Variants in PIK3C2B observed in about 807,000 individuals in gnomAD.
PIK3C2B encodes the protein phosphatidylinositol-4-phosphate 3-kinase catalytic subunit type 2 beta.
Under a neutral mutation model 184.3 loss-of-function variants are expected in PIK3C2B, and 83 were observed. The observed-to-expected ratio is 0.45, with a 90% CI of 0.38 to 0.54. The LOEUF (loss-of-function observed/expected upper bound fraction) is 0.54. Among genes scored for constraint, PIK3C2B ranks in the 20% least tolerant of loss-of-function variants. The pLI is 0.00. For missense variants in PIK3C2B, 1,736 were observed against 2,113.5 expected, an observed-to-expected ratio of 0.82 and a Z score of 3.50; for synonymous variants, 779 against 837.6, an observed-to-expected ratio of 0.93 and a Z score of 1.21.
At chr1:204,493,919 C>T (rs1011003081) in intron 1 of PIK3C2B, among the ~76,000 whole-genome samples, 1 of 152,216 alleles carries the variant, frequency 6.6e-6, no homozygotes, top group Non-Finnish European at 1.5e-5. Context: ...ATTCCCCAGG[C>T]TAGATGCCGA....
rs1301031467 is a variant in PIK3C2B at position 204,454,933 on chromosome 1, G to A, written c.1944-142C>T. 7 of 883,504 alleles carry A rather than the reference G, an allele frequency of 7.9e-6. No individual in the cohort carries two copies. In the East Asian group the frequency reaches 1.9e-4, roughly 24 times the overall value. The allele number at this position is 883,504 out of a possible 1,614,324, so 54.7% of individuals were successfully genotyped here. On this transcript the variant is annotated intron_variant, in intron 11 of 32. Transcript: ENST00000684373. ...GCTGTAACACAGGATCTCCGGATAG[G>A]ACAGCCAAACTGGATGTAAGGAAAT...
At chr1:204,479,167 G>T (rs1363984826) in intron 1 of PIK3C2B, among the ~76,000 whole-genome samples, 4 of 152,192 alleles carry the variant, frequency 2.6e-5, no homozygotes, top group Admixed American at 1.3e-4. Context: ...AGGAAGAAAA[G>T]CTTTGGCAGT....
chr1:204,466,365 T>G (rs1483251147), intron 2 of PIK3C2B, among the ~76,000 whole-genome samples: 2 of 152,034 alleles, frequency 1.3e-5, no homozygotes, highest in Non-Finnish European at 2.9e-5. Context: ...TACTCTCAAG[T>G]CCTCTCTGCC....
intron 5 of PIK3C2B, among the ~76,000 whole-genome samples, chr1:204,461,322 C>G (rs1335538907): frequency 6.6e-6 from 1 of 152,224 alleles, no homozygotes; most frequent in Non-Finnish European, 1.5e-5. Flanking sequence ...GTGAGACTCC[C>G]CCTTTCAGAG....
intron 22 of PIK3C2B, 89 bp downstream of exon 22, chr1:204,440,103 G>T: frequency 2.2e-6 from 3 of 1,367,480 alleles, no homozygotes; most frequent in Non-Finnish European, 3.0e-6. Context: ...CACTTTCCTG[G>T]AGGAGGACAC....
intron 16 of PIK3C2B, among the ~76,000 whole-genome samples, chr1:204,445,537 G>C (rs1653778487): frequency 6.6e-6 from 1 of 151,522 alleles, no homozygotes; most frequent in Non-Finnish European, 1.5e-5. Context: ...AGGAGGTCGA[G>C]GCTGCAGTGA....
chr1:204,447,830 TGGTGAGG>T lies in PIK3C2B; in HGVS notation c.2347-259_2347-253del, dbSNP rs1436586395. Among the ~76,000 whole-genome samples the T allele has an allele frequency of 6.6e-6, 1 of 152,134 alleles. No homozygotes were observed. The highest frequency in any genetic ancestry group is 1.5e-5 in the Non-Finnish European group (1 of 68,014). On this transcript the variant is annotated intron_variant, in intron 14 of 32. Coordinates refer to ENST00000684373, the MANE Select transcript of PIK3C2B (RefSeq NM_001377334.1). This position sits in a 1 kb window ranked among gnomAD's most constrained non-coding sequence, Gnocchi z 4.1. ...GAAGAGGTTCGGTGGAGATGCACCT[TGGTGAGG>T]GGTGAGGGGACAAGCCCCAGCCAGA... is the stretch of plus-strand genomic sequence containing the variant.
rs115574296 is a variant in PIK3C2B, at chr1:204,468,944, G to A, written c.859C>T (p.Arg287Cys). ...SKTMPPQVPP[R>C]TYASRYGNRK... is the part of the protein sequence containing the mutation. ...TTGCCATAGCGGGAGGCATAGGTGC[G>A]GGGGGGCACCTGAGGGGGCATAGTC... is the stretch of plus-strand genomic sequence containing the variant. Residue 287 changes from arginine to cysteine, a missense_variant, in exon 2 of 33, where the codon CGC becomes TGC. Arg to Cys is a radical substitution (Grantham distance 180). Transcript: ENST00000684373. The A allele has an allele frequency of 8.9e-5, 143 of 1,613,096 alleles. No individual in the cohort carries two copies. Among genetic ancestry groups the A allele is most frequent in the Non-Finnish European group, 1.1e-4 (126 of 1,179,300 alleles).
At chr1:204,437,852 C>T (rs138102088) in intron 23 of PIK3C2B, among the ~76,000 whole-genome samples, 5 of 152,028 alleles carry the variant, frequency 3.3e-5, no homozygotes, top group Non-Finnish European at 7.4e-5. Flanking sequence ...GTGGGTGAAA[C>T]GTAGGTGGAA....
At chr1:204,450,043 G>C in intron 12 of PIK3C2B, 26 bp from the exon 13 acceptor site, 4 of 1,527,874 alleles carry the variant, frequency 2.6e-6, no homozygotes, top group Non-Finnish European at 3.5e-6. Context: ...AGTCAAATTA[G>C]GAGGGGCCAC....
At position 204,480,019 on chromosome 1, in the gene PIK3C2B, C is replaced by T. The variant is rs1471553241; in HGVS notation, c.-84-10133G>A. ...CTCCGCAGGTCTTCTGCACTGGGCT[C>T]GGCGGGGCCGGGCTAACCCATCCAG... On this transcript the variant is annotated intron_variant, in intron 1 of 32. Coordinates refer to ENST00000684373, the MANE Select transcript of PIK3C2B (RefSeq NM_001377334.1). 3.3e-5 allele frequency among the ~76,000 whole-genome samples: 5 copies of T among 152,306 alleles called. No homozygotes were observed. In the South Asian group the frequency reaches 6.2e-4, roughly 19 times the overall value.
chr1:204,469,841 C>A lies in PIK3C2B; in HGVS notation c.-39G>T. The stretch of plus-strand genomic sequence containing the variant: ...GACACAGGCAACAAAGTCTCTACTT[C>A]CTGCCAACGTCAGTTCTGGAGGGTT... On this transcript the variant is annotated 5_prime_UTR_variant, in exon 2 of 33. Transcript: ENST00000684373. 7.0e-7 allele frequency: 1 copy of A among 1,423,374 alleles called. No individual in the cohort carries two copies. The highest frequency in any genetic ancestry group is 9.9e-7 in the Non-Finnish European group (1 of 1,008,068). 88.2% of individuals were successfully genotyped at this position (1,423,374 alleles called of 1,614,324 possible). A position where few individuals can be genotyped will look rare whatever the true frequency, so the allele number is the denominator to read the frequency against.
intron 2 of PIK3C2B, among the ~76,000 whole-genome samples, chr1:204,467,820 T>C (rs3021467): frequency 0.95 from 133,570 of 141,308 alleles, 63,308 homozygotes; most frequent in Non-Finnish European, 0.99. Flanking sequence ...GGTGACAGAG[T>C]GAGACTCTGT....
Position 204,449,820 on chromosome 1 carries a change from C to G in PIK3C2B, c.2234+30G>C, listed in dbSNP as rs756803892. On this transcript the variant is annotated intron_variant, in intron 13 of 32. Coordinates refer to ENST00000684373, the MANE Select transcript of PIK3C2B (RefSeq NM_001377334.1). Reference sequence around the variant, plus strand: ...CTGTCCCCCTCCTCCCCTTCCAAGGCCAAGAAGCTGTACCCTGGGGCTCAC... The same window carrying G: ...CTGTCCCCCTCCTCCCCTTCCAAGGGCAAGAAGCTGTACCCTGGGGCTCAC... 1.9e-6 allele frequency: 3 copies of G among 1,558,030 alleles called. No homozygotes were observed. In the Admixed American group the frequency reaches 5.6e-5, roughly 29 times the overall value.
At chr1:204,487,525 C>T (rs1657691443) in intron 1 of PIK3C2B, among the ~76,000 whole-genome samples, 1 of 152,180 alleles carries the variant, frequency 6.6e-6, no homozygotes, top group Admixed American at 6.5e-5. Context: ...CTGACCAACC[C>T]AGAGGAGAAG....
At chr1:204,435,187 A>G (rs745789117) in intron 23 of PIK3C2B, 13 of 151,176 alleles carry the variant, frequency 8.6e-5, no homozygotes, top group African/African-American at 2.2e-4. Flanking sequence ...TAACACGTCT[A>G]GAGAGTGTTT....
chr1:204,424,566 C>T lies in PIK3C2B; in HGVS notation c.*286G>A. 2.1e-6 allele frequency: 1 copy of T among 479,532 alleles called. No individual in the cohort carries two copies. The highest frequency in any genetic ancestry group is 4.0e-6 in the Non-Finnish European group (1 of 249,464). 29.7% of individuals were successfully genotyped at this position (479,532 alleles called of 1,614,324 possible). ...CAGCCCACCCCACACACTCCCCAAACCAAGCATTGCTCCCTTGACACAAGG... is the reference window on the plus strand; with the variant it reads ...CAGCCCACCCCACACACTCCCCAAATCAAGCATTGCTCCCTTGACACAAGG... On this transcript the variant is annotated 3_prime_UTR_variant, in exon 33 of 33. Transcript: ENST00000684373.
intron 1 of PIK3C2B, among the ~76,000 whole-genome samples, chr1:204,486,602 T>C (rs1657612472): frequency 6.6e-6 from 1 of 151,352 alleles, no homozygotes; most frequent in Admixed American, 6.6e-5. Flanking sequence ...TGAAGGCAGG[T>C]GCCTGTAATC....
At chr1:204,470,196 C>T (rs61760615) in intron 1 of PIK3C2B, among the ~76,000 whole-genome samples, 1,847 of 141,448 alleles carry the variant, frequency 0.013, 48 homozygotes, top group African/African-American at 0.047. Flanking sequence ...GAGATGGAGT[C>T]TCGCTGTGTC....
Sources: allele counts gnomAD v4.1 joint callset (sites outside exome capture counted in the v4.1 genomes callset), GRCh38; gene constraint gnomAD v4.1.1; non-coding constraint Gnocchi (gnomAD v3.1); transcripts MANE v1.5; gene names NCBI Gene and HGNC (gene_info 2026-07-23, HGNC 2026-07-21).